Variants in YWHAQ observed in about 807,000 individuals in gnomAD.
YWHAQ encodes the protein 14-3-3 protein theta.
Under a neutral mutation model 28.3 loss-of-function variants are expected in YWHAQ, and 6 were observed. The observed-to-expected ratio is 0.21, with a 90% confidence interval of 0.12 to 0.42. The LOEUF (loss-of-function observed/expected upper bound fraction) is 0.42. Ranked by LOEUF, YWHAQ falls within the 10% of genes least tolerant of loss-of-function variation. The pLI is 1.00. For synonymous variants in YWHAQ, 143 were observed against 119.1 expected (o/e 1.20, Z -1.31); for missense variants, 201 against 305.6 (o/e 0.66, Z 2.55).
In YWHAQ at chr2:9,630,174, G is replaced by A. The variant is rs764907087; in HGVS notation, c.279C>T (p.Ile93=). 2 of 1,613,560 alleles carry A rather than the reference G, an allele frequency of 1.2e-6. No individual in the cohort carries two copies. The highest frequency in any genetic ancestry group is 2.7e-5 in the African/African-American group (2 of 74,942). ...GAGGACTCACCAGCACCGTGGTGCA[G>A]ATGGATCTCAGCTCGGACTCCACTT... ...REKVESELRS[I]CTTVLELLDK... The change falls in exon 2 of 6, where the codon ATC becomes ATT. Residue 93 remains isoleucine, a synonymous_variant. Transcript: ENST00000238081. The surrounding 1 kb of genome is among the most constrained non-coding windows in gnomAD (Gnocchi z 5.6).
chr2:9,614,638 TAAGAAGAC>T (rs1667010209), intron 2 of YWHAQ, among the ~76,000 whole-genome samples: 1 of 152,296 alleles, frequency 6.6e-6, no homozygotes, highest in South Asian at 2.1e-4. Flanking sequence ...TGCTATATCC[TAAGAAGAC>T]TACTAAAGAT....
intron 2 of YWHAQ, among the ~76,000 whole-genome samples, chr2:9,623,772 CAACAAAAT>C (rs1171215178): frequency 7.4e-6 from 1 of 134,702 alleles, no homozygotes; most frequent in Non-Finnish European, 1.7e-5. Flanking sequence ...AACTCTGTCT[CAACAAAAT>C]AAATAAATAA....
Position 9,630,549 on chromosome 2 carries a change from G to GGCGGC in YWHAQ, c.-82-20_-82-16dup, listed in dbSNP as rs1667350839. 6 of 1,240,064 alleles carry GGCGGC rather than the reference G, an allele frequency of 4.8e-6. No individual in the cohort carries two copies. Among genetic ancestry groups the GGCGGC allele is most frequent in the South Asian group, 1.6e-5 (1 of 63,730 alleles). The allele number at this position is 1,240,064 out of a possible 1,614,324, so 76.8% of individuals were successfully genotyped here. ...AGCCTCGAGAGCTGCGGAGGGGCGG[G>GGCGGC]GCGGCGAGGCGAGAACAAAAAGCAG... On this transcript the variant is annotated splice_polypyrimidine_tract_variant and intron_variant, in intron 1 of 5. Coordinates refer to ENST00000238081, the MANE Select transcript of YWHAQ (RefSeq NM_006826.4). This position sits in a 1 kb window ranked among gnomAD's most constrained non-coding sequence, Gnocchi z 5.6.
intron 2 of YWHAQ, among the ~76,000 whole-genome samples, chr2:9,598,897 G>C (rs1025524665): frequency 1.3e-5 from 2 of 152,150 alleles, no homozygotes; most frequent in Non-Finnish European, 2.9e-5. Flanking sequence ...ACAAAAGCTA[G>C]AAATAATTAA....
rs755484324 is a variant in YWHAQ at position 9,630,213 on chromosome 2, C to T, written c.240G>A (p.Lys80=). ...CGGACTCCACTTTCTCCCGATAGTC[C>T]TTAATCAGCTGCAACTTCTTGTCGG... The part of the protein sequence containing the change: ...DTSDKKLQLI[K]DYREKVESEL... The change falls in exon 2 of 6, where the codon AAG becomes AAA. Residue 80 remains lysine, a synonymous_variant. Coordinates refer to ENST00000238081, the MANE Select transcript of YWHAQ (RefSeq NM_006826.4). The surrounding 1 kb of genome is among the most constrained non-coding windows in gnomAD (Gnocchi z 5.6). The T allele has an allele frequency of 6.2e-7, 1 of 1,614,070 alleles. No homozygotes were observed. Among genetic ancestry groups the T allele is most frequent in the Non-Finnish European group, 8.5e-7 (1 of 1,180,042 alleles).
chr2:9,607,512 C>T (rs1666855699), intron 2 of YWHAQ, among the ~76,000 whole-genome samples: 1 of 151,580 alleles, frequency 6.6e-6, no homozygotes, highest in Non-Finnish European at 1.5e-5. Context: ...TGGCATTTTT[C>T]TATTACATTA....
Position 9,584,110 on chromosome 2 carries a change from G to A in YWHAQ, c.*1176C>T, listed in dbSNP as rs1446670009. The A allele has an allele frequency of 6.6e-6, 1 of 152,448 alleles. No individual in the cohort carries two copies. Among genetic ancestry groups the A allele is most frequent in the African/African-American group, 2.4e-5 (1 of 41,396 alleles). The allele number at this position is 152,448 out of a possible 1,614,324, so 9.4% of individuals were successfully genotyped here. On this transcript the variant is annotated 3_prime_UTR_variant, in exon 6 of 6. Transcript: ENST00000238081. ...TGCAGTCCAATTTTATACACTTCCAGGCATCCCTAGACAAGTGTGTCACAA... is the reference window on the plus strand; with the variant it reads ...TGCAGTCCAATTTTATACACTTCCAAGCATCCCTAGACAAGTGTGTCACAA...
intron 2 of YWHAQ, among the ~76,000 whole-genome samples, chr2:9,604,987 T>C (rs186405278): frequency 1.3e-5 from 2 of 152,200 alleles, no homozygotes; most frequent in East Asian, 1.9e-4. Context: ...CATGTTGAAA[T>C]GGATGCAACA....
intron 2 of YWHAQ, among the ~76,000 whole-genome samples, chr2:9,602,844 A>T (rs1572994089): frequency 1.3e-4 from 5 of 39,466 alleles, no homozygotes; most frequent in African/African-American, 5.4e-4. Context: ...AAAAAAAAAA[A>T]AAAAAAAAAA....
intron 2 of YWHAQ, among the ~76,000 whole-genome samples, chr2:9,593,507 C>T (rs1187148790): frequency 6.6e-6 from 1 of 152,012 alleles, no homozygotes; most frequent in Admixed American, 6.5e-5. Context: ...CTGCGCCTGG[C>T]CCATAAGTTA....
intron 2 of YWHAQ, among the ~76,000 whole-genome samples, chr2:9,625,855 G>A (rs1025750094): frequency 2.0e-5 from 3 of 152,102 alleles, no homozygotes; most frequent in African/African-American, 4.8e-5. Flanking sequence ...CAGAGTCCAC[G>A]AAAATAAAAG....
In YWHAQ at chr2:9,630,247, G is replaced by A; in HGVS notation, c.206C>T (p.Thr69Ile). Reference protein sequence around the residue: ...WRVISSIEQKTDTSDKKLQLI... With the variant: ...WRVISSIEQKIDTSDKKLQLI... ...CTGCAACTTCTTGTCGGAGGTGTCG[G>A]TCTTCTGCTCGATGCTAGAGATGAC... Residue 69 changes from threonine (T) to isoleucine (I), a missense_variant, in exon 2 of 6, where the codon ACC (threonine) becomes ATC (isoleucine). By Grantham distance (89) the Thr-to-Ile change is moderately conservative. Around this residue, in one of 2 missense-constraint regions of YWHAQ, gnomAD observed 162 missense variants for 213.9 expected, o/e 0.76. Transcript: ENST00000238081. This position sits in a 1 kb window ranked among gnomAD's most constrained non-coding sequence, Gnocchi z 5.6. The A allele has an allele frequency of 6.2e-7, 1 of 1,614,154 alleles. No homozygotes were observed. The highest frequency in any genetic ancestry group is 8.5e-7 in the Non-Finnish European group (1 of 1,180,040).
rs1553375905 is a variant in YWHAQ, at chr2:9,630,460, G to GTGGGGC, written c.-9_-8insGCCCCA. On this transcript the variant is annotated 5_prime_UTR_variant, in exon 2 of 6. Coordinates refer to ENST00000238081, the MANE Select transcript of YWHAQ (RefSeq NM_006826.4). This position sits in a 1 kb window ranked among gnomAD's most constrained non-coding sequence, Gnocchi z 5.6. ...CAGCTCAGTCTTCTCCATGGCGGGC[G>GTGGGGC]CGGGGCCGGGGCCGGGGCGGAGGGC... 1 of 1,575,242 alleles carries GTGGGGC rather than the reference G, an allele frequency of 6.3e-7. No individual in the cohort carries two copies. The highest frequency in any genetic ancestry group is 1.3e-5 in the African/African-American group (1 of 74,566).
rs777741592 is a variant in YWHAQ at position 9,630,474 on chromosome 2, G to C, written c.-22C>G. On this transcript the variant is annotated 5_prime_UTR_variant, in exon 2 of 6. Transcript: ENST00000238081. This position sits in a 1 kb window ranked among gnomAD's most constrained non-coding sequence, Gnocchi z 5.6. ...CCATGGCGGGCGCGGGGCCGGGGCC[G>C]GGGCGGAGGGCGAGGAGAGCGAGGG... 16 of 1,572,478 alleles carry C rather than the reference G, an allele frequency of 1.0e-5. No individual in the cohort carries two copies. Among genetic ancestry groups the C allele is most frequent in the Admixed American group, 1.7e-5 (1 of 57,418 alleles).
At chr2:9,595,593 A>C (rs1338553874) in intron 2 of YWHAQ, among the ~76,000 whole-genome samples, 1 of 150,098 alleles carries the variant, frequency 6.7e-6, no homozygotes, top group Non-Finnish European at 1.5e-5. Context: ...AATCCCAGCT[A>C]TTTGGGAGGC....
intron 4 of YWHAQ, 94 bp downstream of exon 4, chr2:9,588,071 C>T (rs1332644898): frequency 1.4e-6 from 2 of 1,390,420 alleles, no homozygotes; most frequent in African/African-American, 1.5e-5. Context: ...TAGAAATCAT[C>T]CCTGGGTATC....
At chr2:9,596,675 A>G (rs927395942) in intron 2 of YWHAQ, among the ~76,000 whole-genome samples, 3 of 150,696 alleles carry the variant, frequency 2.0e-5, no homozygotes, top group African/African-American at 7.4e-5. Context: ...CATTTCTAAG[A>G]AAGATAAAGC....
At chr2:9,623,913 G>A (rs1667196023) in intron 2 of YWHAQ, among the ~76,000 whole-genome samples, 1 of 152,194 alleles carries the variant, frequency 6.6e-6, no homozygotes, top group African/African-American at 2.4e-5. Context: ...ATTGCAGTCT[G>A]TGCGAAGTCT....
At chr2:9,625,644 TTCC>T (rs1445039053) in intron 2 of YWHAQ, among the ~76,000 whole-genome samples, 2 of 152,226 alleles carry the variant, frequency 1.3e-5, no homozygotes, top group African/African-American at 4.8e-5. Flanking sequence ...ATGCCTCATT[TTCC>T]TCAACTCTGA....
Sources: gnomAD v4.1 joint callset for allele counts (sites outside exome capture counted in the v4.1 genomes callset) on GRCh38, gnomAD v4.1.1 for gene constraint, gnomAD v4.1.1 regional missense constraint, Gnocchi (gnomAD v3.1) non-coding constraint, MANE v1.5 for transcripts, NCBI Gene and HGNC (gene_info 2026-07-23, HGNC 2026-07-21) for gene names.